DRICH1: variants seen among roughly 807,000 people sequenced by gnomAD.
DRICH1 encodes the protein aspartate-rich protein 1.
Under a neutral mutation model 39.5 loss-of-function variants are expected in DRICH1, and 38 were observed. The ratio of observed to expected loss-of-function variants is 0.96; its 90% confidence interval spans 0.74 to 1.26. The LOEUF is 1.26. DRICH1 is among the 50% of genes most tolerant of loss of function. The pLI is 0.00. For missense variants in DRICH1, 279 were observed against 270.4 expected (o/e 1.03, Z -0.22); for synonymous variants, 84 against 99.5 (o/e 0.84, Z 0.93).
At chr22:23,581,645 G>A in the DRICH1 span, 3 of 145,154 alleles carry the variant, frequency 2.1e-5, no homozygotes, top group Admixed American at 7.0e-5. Context: ...TTGCTGTGTC[G>A]CCAGGCTGGA....
At chr22:23,622,258 A>T in intron 3 of DRICH1, 82 bp from the exon 4 acceptor site, 2 of 1,251,430 alleles carry the variant, frequency 1.6e-6, no homozygotes, top group Admixed American at 3.4e-5. Context: ...GATGTGGTGT[A>T]TGGAGGTGGT....
Position 23,608,620 on chromosome 22 carries a change from T to A in DRICH1, c.*144A>T. On this transcript the variant is annotated 3_prime_UTR_variant, in exon 12 of 12. Transcript: ENST00000317749. ...TGCTGGCGGTGGGTGGGAAGCAGCC[T>A]TGGACTTTTTCTCTCTGCTGGGACC... 1 of 844,778 alleles carries A rather than the reference T, an allele frequency of 1.2e-6. No homozygotes were observed. Among genetic ancestry groups the A allele is most frequent in the Non-Finnish European group, 1.9e-6 (1 of 519,098 alleles). 52.3% of individuals were successfully genotyped at this position (844,778 alleles called of 1,614,324 possible).
intron 5 of DRICH1, 101 bp downstream of exon 5, chr22:23,620,493 C>T (rs1927653902): frequency 2.6e-5 from 35 of 1,341,034 alleles, no homozygotes; most frequent in Non-Finnish European, 3.7e-5. Context: ...TTTGCTCTCA[C>T]CACACCCCCA....
At chr22:23,616,920 G>A (rs754111486) in intron 7 of DRICH1, 46 bp from the exon 8 acceptor site, 2 of 1,605,694 alleles carry the variant, frequency 1.2e-6, no homozygotes, top group South Asian at 2.2e-5. Flanking sequence ...GATCAATTCT[G>A]CCACACCCCT....
the DRICH1 span, among the ~76,000 whole-genome samples, chr22:23,602,948 C>T: frequency 6.6e-6 from 1 of 151,410 alleles, no homozygotes; most frequent in Admixed American, 6.6e-5. Flanking sequence ...TTTATTTTAC[C>T]TCCCCCTAAC....
At position 23,622,556 on chromosome 22, in the gene DRICH1, GTA is replaced by G. The variant is rs200234665; in HGVS notation, c.299-382_299-381del. ...AGTACACTAGGATCCAATTATGCTG[GTA>G]CTACATTTAGCATCTGTTTTAAAAG... On this transcript the variant is annotated intron_variant, in intron 3 of 11. Transcript: ENST00000317749. Among the ~76,000 whole-genome samples, 1,229 of 133,298 alleles carry G rather than the reference GTA, an allele frequency of 9.2e-3. 26 individuals are homozygous for G. The highest frequency in any genetic ancestry group is 0.091 in the East Asian group (405 of 4,436). The allele number at this position is 133,298 out of a possible 152,430, so 87.4% of individuals were successfully genotyped here. A position where few individuals can be genotyped will look rare whatever the true frequency, so the allele number is the denominator to read the frequency against.
intron 11 of DRICH1, among the ~76,000 whole-genome samples, chr22:23,610,132 C>T (rs746062091): frequency 6.6e-6 from 1 of 152,170 alleles, no homozygotes; most frequent in East Asian, 1.9e-4. Context: ...TAGGGCACGA[C>T]GTGGTCTCCA....
chr22:23,614,226 C>A lies in DRICH1; in HGVS notation c.542-12G>T, dbSNP rs907901509. The A allele has an allele frequency of 2.5e-6, 4 of 1,605,400 alleles. No homozygotes were observed. The highest frequency in any genetic ancestry group is 1.3e-5 in the African/African-American group (1 of 74,746). On this transcript the variant is annotated splice_polypyrimidine_tract_variant and intron_variant, in intron 8 of 11. Coordinates refer to ENST00000317749, the MANE Select transcript of DRICH1 (RefSeq NM_016449.4). ...ATCTTCAGAACAAGCTGGAAGGACA[C>A]AGAGGAAAGATCAGTGCACCGGTGG...
chr22:23,581,320 G>T, the DRICH1 span: 1 of 152,178 alleles, frequency 6.6e-6, no homozygotes, highest in South Asian at 2.1e-4. Context: ...CCAACATCTC[G>T]CGACCCTGTG....
chr22:23,591,126 C>T, the DRICH1 span, among the ~76,000 whole-genome samples: 1 of 152,220 alleles, frequency 6.6e-6, no homozygotes, highest in Admixed American at 6.5e-5. Flanking sequence ...CTGGGAGCAT[C>T]TCTACATCTA....
At chr22:23,607,997 G>C (rs545194707), downstream of DRICH1, among the ~76,000 whole-genome samples, 1 of 152,346 alleles carries the variant, frequency 6.6e-6, no homozygotes, top group East Asian at 1.9e-4. Flanking sequence ...GCATCTCGCT[G>C]CATGAATGAA....
chr22:23,592,094 CA>C, the DRICH1 span, among the ~76,000 whole-genome samples: 7 of 152,216 alleles, frequency 4.6e-5, no homozygotes, highest in African/African-American at 1.7e-4. Flanking sequence ...TCAGGGAACA[CA>C]GGAACGCAAT....
upstream of DRICH1, chr22:23,632,761 A>G (rs1921037809): frequency 6.6e-6 from 1 of 152,050 alleles, no homozygotes; most frequent in Non-Finnish European, 1.5e-5. Context: ...AAAATACAAA[A>G]TATTAGCTCG....
At chr22:23,600,485 G>A in the DRICH1 span, among the ~76,000 whole-genome samples, 1 of 152,142 alleles carries the variant, frequency 6.6e-6, no homozygotes, top group Non-Finnish European at 1.5e-5. Flanking sequence ...TGCCGCTTCT[G>A]TCCCTTGACT....
At chr22:23,613,012 T>A in intron 11 of DRICH1, among the ~76,000 whole-genome samples, 2 of 152,206 alleles carry the variant, frequency 1.3e-5, no homozygotes, top group Admixed American at 1.3e-4. Context: ...TGTTGACTAA[T>A]CCAAACCAAA....
At chr22:23,606,067 T>C (rs1471471262), downstream of DRICH1, among the ~76,000 whole-genome samples, 1 of 151,924 alleles carries the variant, frequency 6.6e-6, no homozygotes, top group African/African-American at 2.4e-5. Flanking sequence ...AAAAATTTTT[T>C]TTTTTGAGTG....
the DRICH1 span, among the ~76,000 whole-genome samples, chr22:23,587,708 G>A: frequency 1.3e-5 from 2 of 152,180 alleles, no homozygotes; most frequent in African/African-American, 4.8e-5. Flanking sequence ...CCAGGCCCAA[G>A]GCCTCTAATG....
At chr22:23,615,351 GGGCAAGAA>G (rs1315060070) in intron 8 of DRICH1, among the ~76,000 whole-genome samples, 1 of 152,122 alleles carries the variant, frequency 6.6e-6, no homozygotes, top group East Asian at 1.9e-4. Flanking sequence ...ACTCCAGCCT[GGGCAAGAA>G]CAGTGAAACT....
chr22:23,599,920 A>T, the DRICH1 span, among the ~76,000 whole-genome samples: 34 of 152,154 alleles, frequency 2.2e-4, no homozygotes, highest in African/African-American at 8.0e-4. Flanking sequence ...GGCACACTTC[A>T]GGTCTCACCT....
Sources: allele counts gnomAD v4.1 joint callset (sites outside exome capture counted in the v4.1 genomes callset), GRCh38; gene constraint gnomAD v4.1.1; transcripts MANE v1.5; gene names NCBI Gene and HGNC (gene_info 2026-07-23, HGNC 2026-07-21).